Variants in PCCA observed in about 807,000 individuals in gnomAD.
The protein encoded by PCCA is propionyl-CoA carboxylase alpha chain, mitochondrial.
In PCCA, 74 loss-of-function variants were observed where a neutral mutation model predicts 101.3. The ratio of observed to expected loss-of-function variants is 0.73; its 90% CI spans 0.61 to 0.89. The LOEUF is 0.89. PCCA is among the 40% of genes least tolerant of loss of function. The probability of loss-of-function intolerance (pLI) is 0.00; values close to 1 mark genes in which losing one functional copy is unlikely to be tolerated. For missense variants in PCCA, 891 were observed against 907.0 expected (o/e 0.98, Z 0.23); for synonymous variants, 294 against 313.6 (o/e 0.94, Z 0.66).
At chr13:100,335,116 GAGTACTATACCCAGCTA>G (rs1170705253) in intron 17 of PCCA, among the ~76,000 whole-genome samples, 4 of 152,166 alleles carry the variant, frequency 2.6e-5, no homozygotes, top group African/African-American at 9.7e-5. Context: ...TTTGACTCAA[GAGTACTATACCCAGCTA>G]AGATATCGTC....
chr13:100,090,176 T>C (rs751104263), intron 1 of PCCA, among the ~76,000 whole-genome samples: 13 of 152,334 alleles, frequency 8.5e-5, no homozygotes, highest in Admixed American at 2.0e-4. Context: ...GAAGACACTT[T>C]AGAGACGACC....
intron 12 of PCCA, 125 bp from the exon 13 acceptor site, chr13:100,301,335 A>T (rs1008444517): frequency 1.5e-5 from 15 of 996,044 alleles, no homozygotes; most frequent in Non-Finnish European, 2.3e-5. Context: ...TTTTTTAGTC[A>T]AATATGTTCA....
chr13:100,301,543 G>T lies in PCCA; in HGVS notation c.1149G>T (p.Arg383Ser), dbSNP rs745748485. Residue 383 changes from arginine to serine, a missense_variant, in exon 13 of 24, where the codon AGG (arginine) becomes AGT (serine). Coordinates refer to ENST00000376285, the MANE Select transcript of PCCA (RefSeq NM_000282.4). ...GTGTTGCTAAGGGCTACCCTCTCAG[G>T]CACAAACAAGCTGATATTCGCATCA... ...MIRVAKGYPL[R>S]HKQADIRING... 6.2e-7 allele frequency: 1 copy of T among 1,614,072 alleles called. No homozygotes were observed. The highest frequency in any genetic ancestry group is 1.7e-5 in the Admixed American group (1 of 60,014).
intron 18 of PCCA, among the ~76,000 whole-genome samples, chr13:100,353,658 T>TA (rs1377153985): frequency 6.6e-6 from 1 of 151,966 alleles, no homozygotes; most frequent in Non-Finnish European, 1.5e-5. Context: ...GCACATGTAT[T>TA]AAAAAAAGAA....
chr13:100,461,957 C>G (rs946720084), intron 21 of PCCA, among the ~76,000 whole-genome samples: 1 of 152,212 alleles, frequency 6.6e-6, no homozygotes, highest in Admixed American at 6.5e-5. Context: ...CGGTCACACT[C>G]TTTGTATTCC....
chr13:100,288,328 A>G (rs1280432682), intron 12 of PCCA, among the ~76,000 whole-genome samples: 1 of 151,906 alleles, frequency 6.6e-6, no homozygotes, highest in East Asian at 1.9e-4. Flanking sequence ...GAGGGGTCTT[A>G]CTCCACCACC....
At chr13:100,526,637 C>G (rs940135564) in intron 22 of PCCA, among the ~76,000 whole-genome samples, 1 of 152,252 alleles carries the variant, frequency 6.6e-6, no homozygotes, top group Non-Finnish European at 1.5e-5. Flanking sequence ...TGCCAGGACA[C>G]CCACCCACAC....
At position 100,090,431 on chromosome 13, in the gene PCCA, T is replaced by C. The variant is rs533716312; in HGVS notation, c.105+1206T>C. On this transcript the variant is annotated intron_variant, in intron 1 of 23. Transcript: ENST00000376285. ...CTTATGCATTTACATAGGAGGCAAG[T>C]TAGTATGGTGTAAAGTGTGGGCTTT... is the stretch of plus-strand genomic sequence containing the variant. Among the ~76,000 whole-genome samples the C allele has an allele frequency of 1.8e-4, 27 of 152,312 alleles. No homozygotes were observed. In the South Asian group the frequency reaches 3.7e-3, roughly 21 times the overall value.
At chr13:100,517,046 CGT>C (rs3840814) in intron 22 of PCCA, among the ~76,000 whole-genome samples, 6,738 of 132,814 alleles carry the variant, frequency 0.051, 170 homozygotes, top group East Asian at 0.12. Flanking sequence ...ATTATAAAAT[CGT>C]GTGTGTGTGT....
chr13:100,111,835 C>T lies in PCCA; in HGVS notation c.184-6C>T, dbSNP rs542777393. The T allele has an allele frequency of 6.3e-5, 101 of 1,600,542 alleles. No homozygotes were observed. Among genetic ancestry groups the T allele is most frequent in the South Asian group, 4.4e-4 (40 of 90,464 alleles). Reference sequence around the variant, plus strand: ...TTTCTAATGAATGTGTTTTTTCTCTCTTCAGACTTTTGATAAAATTCTTGT... The same window carrying T: ...TTTCTAATGAATGTGTTTTTTCTCTTTTCAGACTTTTGATAAAATTCTTGT... On this transcript the variant is annotated splice_region_variant and splice_polypyrimidine_tract_variant and intron_variant, in intron 2 of 23. Transcript: ENST00000376285.
intron 21 of PCCA, chr13:100,479,720 T>C (rs934920426): frequency 6.6e-6 from 1 of 152,206 alleles, no homozygotes. Context: ...AGTGGCCCCA[T>C]GCAGTTCAAA....
At chr13:100,137,547 ATC>A (rs948492445) in intron 4 of PCCA, among the ~76,000 whole-genome samples, 36 of 152,178 alleles carry the variant, frequency 2.4e-4, no homozygotes, top group Non-Finnish European at 1.3e-4. Flanking sequence ...GGATTATTGT[ATC>A]TTTTTGGTGA....
intron 21 of PCCA, among the ~76,000 whole-genome samples, chr13:100,506,326 A>G (rs60342471): frequency 0.34 from 42,498 of 126,420 alleles, 6,332 homozygotes; most frequent in African/African-American, 0.42. Flanking sequence ...TTCTTAGGCA[A>G]CCCCCCTACC....
chr13:100,229,769 C>A (rs554877264), intron 7 of PCCA, among the ~76,000 whole-genome samples: 3 of 152,182 alleles, frequency 2.0e-5, no homozygotes, highest in Non-Finnish European at 4.4e-5. Flanking sequence ...AATGTACTCT[C>A]GTGGCAAAAC....
chr13:100,203,296 G>A lies in PCCA; in HGVS notation c.469-6036G>A, dbSNP rs917058828. Among the ~76,000 whole-genome samples the A allele has an allele frequency of 2.0e-5, 3 of 150,516 alleles. No homozygotes were observed. The South Asian group carries it at 6.3e-4, about 32-fold the overall frequency. On this transcript the variant is annotated intron_variant, in intron 6 of 23. Transcript: ENST00000376285. Reference sequence around the variant, plus strand: ...CTCAAAAAAAAAAAAAAAAAGAAATGAGATGATAGTTTTGATCTATTGTAT... The same window carrying A: ...CTCAAAAAAAAAAAAAAAAAGAAATAAGATGATAGTTTTGATCTATTGTAT...
rs529229434 is a variant in PCCA, at chr13:100,300,115, A to G, written c.1066-1345A>G. Among the ~76,000 whole-genome samples the G allele has an allele frequency of 5.3e-5, 8 of 152,330 alleles. No individual in the cohort carries two copies. In the East Asian group the frequency reaches 1.2e-3, roughly 22 times the overall value. On this transcript the variant is annotated intron_variant, in intron 12 of 23. Coordinates refer to ENST00000376285, the MANE Select transcript of PCCA (RefSeq NM_000282.4). ...TGCTAGTTACTTTCTTATTGTATTT[A>G]TCTTATAGAGTCTTGGTTCTTACAA...
chr13:100,344,364 G>T (rs1296017396), intron 18 of PCCA, among the ~76,000 whole-genome samples: 2 of 152,206 alleles, frequency 1.3e-5, no homozygotes, highest in South Asian at 2.1e-4. Flanking sequence ...CATTTAGGCA[G>T]TTGAGTTTGA....
intron 12 of PCCA, among the ~76,000 whole-genome samples, chr13:100,298,120 G>A (rs76170820): frequency 2.6e-5 from 4 of 152,060 alleles, no homozygotes; most frequent in African/African-American, 9.7e-5. Flanking sequence ...GCACATTGCT[G>A]TTGGGTAGGA....
At chr13:100,267,126 T>C (rs2062990715) in intron 10 of PCCA, among the ~76,000 whole-genome samples, 1 of 152,240 alleles carries the variant, frequency 6.6e-6, no homozygotes, top group South Asian at 2.1e-4. Flanking sequence ...ATTCTGTATA[T>C]GAATCTGATA....
Sources: allele counts gnomAD v4.1 joint callset (sites outside exome capture counted in the v4.1 genomes callset), GRCh38; gene constraint gnomAD v4.1.1; transcripts MANE v1.5; gene names NCBI Gene and HGNC (gene_info 2026-07-23, HGNC 2026-07-21).